Variants in CCNE2 observed in about 807,000 individuals in gnomAD.
The protein encoded by CCNE2 is G1/S-specific cyclin-E2.
CCNE2 carries 18 observed loss-of-function variants against 56.8 expected under a neutral mutation model. The ratio of observed to expected loss-of-function variants is 0.32; its 90% confidence interval spans 0.22 to 0.47. The LOEUF (loss-of-function observed/expected upper bound fraction) is 0.47. CCNE2 is among the 20% of genes least tolerant of loss of function. CCNE2 has a pLI of 1.00. For missense variants in CCNE2, 371 were observed against 467.1 expected (o/e 0.79, Z 1.90); for synonymous variants, 139 against 149.2 (o/e 0.93, Z 0.50).
At chr8:94,883,334 A>G (rs1196444907) in intron 9 of CCNE2, among the ~76,000 whole-genome samples, 3 of 152,152 alleles carry the variant, frequency 2.0e-5, no homozygotes, top group African/African-American at 7.2e-5. Context: ...GACTGTTGCA[A>G]TACAGTGTGA....
chr8:94,886,187 T>G (rs950688057), intron 7 of CCNE2, among the ~76,000 whole-genome samples: 11 of 152,292 alleles, frequency 7.2e-5, no homozygotes, highest in African/African-American at 2.6e-4. Flanking sequence ...GCTTCAGATT[T>G]AAGGACAGCT....
chr8:94,892,785 T>C (rs748415941), intron 5 of CCNE2, 33 bp downstream of exon 5: 14 of 1,210,660 alleles, frequency 1.2e-5, no homozygotes, highest in Non-Finnish European at 1.4e-5. Context: ...CAACTTTATA[T>C]CTTTGAAATA....
upstream of CCNE2, among the ~76,000 whole-genome samples, chr8:94,895,455 C>T (rs1007751759): frequency 6.6e-6 from 1 of 152,164 alleles, no homozygotes; most frequent in Non-Finnish European, 1.5e-5. Flanking sequence ...TCAGGGGCTC[C>T]TTCTCCGCGG....
Position 94,885,481 on chromosome 8 carries a change from C to T in CCNE2, c.678G>A (p.Met226Ile), listed in dbSNP as rs1817001440. ...TTATTACCTTTAATATAATGAGTTC[C>T]ATCCTTAAGATATCCTCTTCACTGC... ...GACSEEDILR[M>I]ELIILKALKW... Residue 226 changes from methionine to isoleucine, a missense_variant, in exon 8 of 12, where the codon ATG becomes ATA. Met to Ile is a conservative substitution (Grantham distance 10, BLOSUM62 1). Transcript: ENST00000308108. The T allele has an allele frequency of 1.3e-6, 2 of 1,597,276 alleles. No homozygotes were observed.
chr8:94,894,233 A>C lies in CCNE2; in HGVS notation c.-12T>G. On this transcript the variant is annotated 5_prime_UTR_variant, in exon 2 of 12. Coordinates refer to ENST00000308108, the MANE Select transcript of CCNE2 (RefSeq NM_057749.3). ...CTTCGTCTTGACATTCTCTTCTTTC[A>C]GGTGTATAAAACCTCTGAAGGGGGG... is the stretch of plus-strand genomic sequence containing the variant. 2.5e-6 allele frequency: 4 copies of C among 1,613,886 alleles called. No individual in the cohort carries two copies. Among genetic ancestry groups the C allele is most frequent in the Non-Finnish European group, 3.4e-6 (4 of 1,179,970 alleles).
intron 5 of CCNE2, 131 bp downstream of exon 5, chr8:94,892,687 A>G: frequency 1.9e-6 from 1 of 513,850 alleles, no homozygotes; most frequent in Non-Finnish European, 3.3e-6. Flanking sequence ...ATAAAATGAC[A>G]TATGATTAAA....
At chr8:94,888,924 G>A (rs527338055) in intron 6 of CCNE2, among the ~76,000 whole-genome samples, 4 of 152,136 alleles carry the variant, frequency 2.6e-5, no homozygotes, top group East Asian at 1.9e-4. Flanking sequence ...CAAGGCGGGC[G>A]GATCACTTGA....
Position 94,885,445 on chromosome 8 carries a change from A to G in CCNE2, c.696+18T>C. The G allele has an allele frequency of 6.8e-7, 1 of 1,462,690 alleles. No homozygotes were observed. Among genetic ancestry groups the G allele is most frequent in the African/African-American group, 1.4e-5 (1 of 70,576 alleles). 90.6% of individuals were successfully genotyped at this position (1,462,690 alleles called of 1,614,324 possible). ...CATGGTTTCTTTTTTGCAACTAGGA[A>G]AACATAATTATTATTACCTTTAATA... On this transcript the variant is annotated intron_variant, in intron 8 of 11. Coordinates refer to ENST00000308108, the MANE Select transcript of CCNE2 (RefSeq NM_057749.3).
At chr8:94,896,456 A>G (rs1304513884), upstream of CCNE2, 1 of 152,266 alleles carries the variant, frequency 6.6e-6, no homozygotes, top group East Asian at 1.9e-4. Context: ...GCGCACCCCA[A>G]AACTGCACAT....
chr8:94,895,344 T>G, upstream of CCNE2: 3 of 754,374 alleles, frequency 4.0e-6, no homozygotes, highest in Non-Finnish European at 4.8e-6. Context: ...CTGCTCTCAG[T>G]GCGCGCCCGC....
intron 4 of CCNE2, 34 bp downstream of exon 4, chr8:94,893,857 T>C (rs999425007): frequency 3.2e-6 from 5 of 1,573,554 alleles, no homozygotes; most frequent in Non-Finnish European, 4.4e-6. Context: ...CCTCCATTTT[T>C]CCCCCAAACC....
At chr8:94,886,029 T>C (rs1032394976) in intron 7 of CCNE2, among the ~76,000 whole-genome samples, 4 of 152,080 alleles carry the variant, frequency 2.6e-5, no homozygotes, top group Non-Finnish European at 5.9e-5. Flanking sequence ...ACTTTCAACT[T>C]AACAGTATTT....
chr8:94,883,663 TAAATC>T (rs1440694635), intron 9 of CCNE2: 1 of 236,690 alleles, frequency 4.2e-6, no homozygotes, highest in East Asian at 8.7e-5. Context: ...GGAAGATTTT[TAAATC>T]AAAGTTCCAT....
chr8:94,895,772 A>T (rs1817486087), upstream of CCNE2: 1 of 152,320 alleles, frequency 6.6e-6, no homozygotes, highest in Admixed American at 6.5e-5. Flanking sequence ...GCGGCAGCAC[A>T]ACGTGGAGTG....
chr8:94,885,254 C>T, intron 8 of CCNE2, 53 bp from the exon 9 acceptor site: 1 of 1,508,362 alleles, frequency 6.6e-7, no homozygotes, highest in Middle Eastern at 1.7e-4. Flanking sequence ...ACATACACCA[C>T]ATTATACAGC....
rs1461966495 is a variant in CCNE2 at position 94,894,010 on chromosome 8, C to T, written c.111+13G>A. 6.2e-7 allele frequency: 1 copy of T among 1,613,904 alleles called. No homozygotes were observed. On this transcript the variant is annotated intron_variant, in intron 3 of 11. Coordinates refer to ENST00000308108, the MANE Select transcript of CCNE2 (RefSeq NM_057749.3). The stretch of plus-strand genomic sequence containing the variant: ...CATGGAATTTCGTTCCTCCCTCTTT[C>T]TCCTTAAATCACCTGGGTAGTTTTC...
chr8:94,892,788 T>G, intron 5 of CCNE2, 30 bp downstream of exon 5: 1 of 1,235,372 alleles, frequency 8.1e-7, no homozygotes, highest in Non-Finnish European at 1.1e-6. Flanking sequence ...CTTTATATCT[T>G]TGAAATAAAA....
At chr8:94,891,355 G>T in intron 5 of CCNE2, 1 of 251,502 alleles carries the variant, frequency 4.0e-6, no homozygotes, top group Non-Finnish European at 8.0e-6. Context: ...TCAAGGGTAT[G>T]CATATATGAA....
chr8:94,895,346 C>T (rs948155998), upstream of CCNE2: 3 of 743,894 alleles, frequency 4.0e-6, no homozygotes, highest in Non-Finnish European at 4.9e-6. Context: ...GCTCTCAGTG[C>T]GCGCCCGCCA....
Sources: gnomAD v4.1 joint callset for allele counts (sites outside exome capture counted in the v4.1 genomes callset) on GRCh38, gnomAD v4.1.1 for gene constraint, MANE v1.5 for transcripts, NCBI Gene and HGNC (gene_info 2026-07-23, HGNC 2026-07-21) for gene names.